Variants in SCN1A observed in about 807,000 individuals in gnomAD.
SCN1A encodes sodium voltage-gated channel alpha subunit 1.
A neutral mutation model predicts 193.7 loss-of-function variants in SCN1A; 13 were observed. The observed-to-expected ratio is 0.07, with a 90% CI of 0.04 to 0.11. The LOEUF (loss-of-function observed/expected upper bound fraction) is 0.11, where lower values mean the gene tolerates loss of function less well. Among genes scored for constraint, SCN1A ranks in the 10% least tolerant of loss-of-function variants. The pLI is 1.00. For synonymous variants in SCN1A, 781 were observed against 843.6 expected (o/e 0.93, Z 1.29); for missense variants, 1,432 against 2,451.1 (o/e 0.58, Z 8.78).
intron 12 of SCN1A, among the ~76,000 whole-genome samples, chr2:166,046,044 C>T (rs915773098): frequency 3.9e-5 from 6 of 152,280 alleles, no homozygotes; most frequent in South Asian, 2.1e-4. Flanking sequence ...TTATTATTAT[C>T]ATTGTTCCCA....
At chr2:166,098,340 C>A (rs1687627990) in intron 2 of SCN1A, among the ~76,000 whole-genome samples, 1 of 151,620 alleles carries the variant, frequency 6.6e-6, no homozygotes, top group Admixed American at 6.6e-5. Context: ...TGTTAAAAAC[C>A]CTCAACAAAT....
In SCN1A at chr2:165,989,059, TGTGTGTGTGCGCGC is replaced by T. The variant is rs1559091732; in HGVS notation, c.*2172_*2185del. 2.6e-5 allele frequency: 3 copies of T among 115,138 alleles called. 1 individual carries two copies. Among genetic ancestry groups the T allele is most frequent in the African/African-American group, 6.5e-5 (2 of 30,722 alleles). 7.1% of individuals were successfully genotyped at this position (115,138 alleles called of 1,614,324 possible). On this transcript the variant is annotated 3_prime_UTR_variant, in exon 29 of 29. Coordinates refer to ENST00000674923, the MANE Select transcript of SCN1A (RefSeq NM_001165963.4). The stretch of plus-strand genomic sequence containing the variant: ...GTGTGTGTGTGTGTGTGTGTGTGTG[TGTGTGTGTGCGCGC>T]GCGCTCCCCTTCTCCCCCAATTTGT...
chr2:166,129,418 T>C (rs1691550038), upstream of SCN1A, among the ~76,000 whole-genome samples: 1 of 152,234 alleles, frequency 6.6e-6, no homozygotes, highest in Non-Finnish European at 1.5e-5. Flanking sequence ...TCCATCTTTT[T>C]ATCTATAAAA....
intron 2 of SCN1A, among the ~76,000 whole-genome samples, chr2:166,123,996 A>T (rs1007167455): frequency 6.6e-6 from 1 of 152,150 alleles, no homozygotes; most frequent in Non-Finnish European, 1.5e-5. Flanking sequence ...GCTTAAAAAA[A>T]CTTTTTCTCC....
In SCN1A at chr2:165,992,277, G is replaced by A; in HGVS notation, c.4998C>T (p.Ser1666=). 2 of 1,613,806 alleles carry A rather than the reference G, an allele frequency of 1.2e-6. No homozygotes were observed. The highest frequency in any genetic ancestry group is 1.7e-6 in the Non-Finnish European group (2 of 1,179,892). ...GGCCGATGTTAAACAACGCAGGAAG[G>A]GACATCATCAAAGCAAAGAGCAGCG... ...IRTLLFALMM[S]LPALFNIGLL... is the part of the protein sequence containing the mutation. Residue 1666 remains serine, a synonymous_variant, in exon 29 of 29, where the codon TCC becomes TCT. Coordinates refer to ENST00000674923, the MANE Select transcript of SCN1A (RefSeq NM_001165963.4). This position sits in a 1 kb window ranked among gnomAD's most constrained non-coding sequence, Gnocchi z 6.5.
chr2:165,996,140 TG>T (rs751084336), intron 26 of SCN1A, 23 bp from the exon 27 acceptor site: 1 of 1,394,668 alleles, frequency 7.2e-7, no homozygotes, highest in Admixed American at 1.7e-5. Context: ...AAAATCAAAC[TG>T]GTTAAAACTG....
intron 2 of SCN1A, among the ~76,000 whole-genome samples, chr2:166,086,874 G>C (rs1218278628): frequency 6.6e-6 from 1 of 152,126 alleles, no homozygotes; most frequent in Non-Finnish European, 1.5e-5. Context: ...AGCAGCTGAT[G>C]ATTATCACAG....
At chr2:166,074,958 T>A (rs1189494296) in intron 3 of SCN1A, among the ~76,000 whole-genome samples, 1 of 152,112 alleles carries the variant, frequency 6.6e-6, no homozygotes, top group Non-Finnish European at 1.5e-5. Context: ...CTAAGTGAAG[T>A]TTTCAGCGGT....
chr2:166,053,848 T>A (rs955469720), intron 7 of SCN1A, among the ~76,000 whole-genome samples: 3 of 151,924 alleles, frequency 2.0e-5, no homozygotes, highest in Non-Finnish European at 4.4e-5. Flanking sequence ...TAGTCTGGAA[T>A]GGTTTTCTAT....
intron 15 of SCN1A, among the ~76,000 whole-genome samples, chr2:166,041,902 G>T (rs1293680895): frequency 6.6e-6 from 1 of 152,114 alleles, no homozygotes; most frequent in East Asian, 1.9e-4. Flanking sequence ...TTTTTATTTT[G>T]TGAAAATGAC....
rs1689654248 is a variant in SCN1A, at chr2:166,114,708, GAATA to G, written c.-142+12212_-142+12215del. ...TGAAATAAAATTTCCATGATTATCA[GAATA>G]ATTAAATAAATGTAAAACTACAAGG... is the stretch of plus-strand genomic sequence containing the variant. On this transcript the variant is annotated intron_variant, in intron 2 of 28. Coordinates refer to ENST00000674923, the MANE Select transcript of SCN1A (RefSeq NM_001165963.4). Among the ~76,000 whole-genome samples the G allele has an allele frequency of 4.6e-5, 7 of 152,096 alleles. No individual in the cohort carries two copies. The South Asian group carries it at 1.5e-3, about 32-fold the overall frequency.
chr2:166,077,079 G>A (rs1055091420), intron 3 of SCN1A: 2 of 151,674 alleles, frequency 1.3e-5, no homozygotes, highest in African/African-American at 2.4e-5. Flanking sequence ...TTTGTTTTTG[G>A]TTTTCTAGGA....
At chr2:166,030,558 G>T (rs1041882546) in intron 19 of SCN1A, among the ~76,000 whole-genome samples, 2 of 152,002 alleles carry the variant, frequency 1.3e-5, no homozygotes, top group African/African-American at 2.4e-5. Context: ...TATTTAAATG[G>T]AATTAAGTAG....
At chr2:166,034,644 G>C (rs763862396) in intron 19 of SCN1A, among the ~76,000 whole-genome samples, 14 of 152,254 alleles carry the variant, frequency 9.2e-5, no homozygotes, top group African/African-American at 3.4e-4. Flanking sequence ...TTCAAAGTAG[G>C]TTGCTATGGA....
chr2:166,129,001 ATCC>A (rs1383898839), upstream of SCN1A, among the ~76,000 whole-genome samples: 4 of 152,128 alleles, frequency 2.6e-5, no homozygotes, highest in Non-Finnish European at 4.4e-5. Context: ...TAAATATTTC[ATCC>A]TCATTATTTT....
intron 19 of SCN1A, among the ~76,000 whole-genome samples, chr2:166,025,060 G>T (rs1275168130): frequency 2.0e-5 from 3 of 152,304 alleles, no homozygotes; most frequent in African/African-American, 7.2e-5. Flanking sequence ...TTTGCCAAAT[G>T]TATTTGTTTT....
intron 2 of SCN1A, among the ~76,000 whole-genome samples, chr2:166,087,894 C>T (rs868858865): frequency 6.6e-6 from 1 of 152,162 alleles, no homozygotes; most frequent in Non-Finnish European, 1.5e-5. Context: ...ATGAAATAGA[C>T]TTTAGGCTTT....
intron 4 of SCN1A, among the ~76,000 whole-genome samples, chr2:166,072,898 G>A (rs1451426886): frequency 2.8e-5 from 4 of 144,850 alleles, no homozygotes; most frequent in East Asian, 2.0e-4. Context: ...GTGTAGTGGC[G>A]TCATCTCGGC....
At chr2:166,124,043 AT>A (rs1247125139) in intron 2 of SCN1A, among the ~76,000 whole-genome samples, 1 of 152,068 alleles carries the variant, frequency 6.6e-6, no homozygotes, top group African/African-American at 2.4e-5. Context: ...TGCCCCTCTC[AT>A]CCTCACTATC....
Sources: allele counts gnomAD v4.1 joint callset (sites outside exome capture counted in the v4.1 genomes callset), GRCh38; gene constraint gnomAD v4.1.1; non-coding constraint Gnocchi (gnomAD v3.1); transcripts MANE v1.5; gene names NCBI Gene and HGNC (gene_info 2026-07-23, HGNC 2026-07-21).